MESP1: variants seen among roughly 807,000 people sequenced by gnomAD.
MESP1 encodes the protein mesoderm posterior protein 1.
A neutral mutation model predicts 15.2 loss-of-function variants in MESP1; 22 were observed. The observed-to-expected ratio is 1.45, with a 90% confidence interval of 1.04 to 2.07. The LOEUF (loss-of-function observed/expected upper bound fraction) is 2.07, where lower values mean the gene tolerates loss of function less well. Ranked by LOEUF, MESP1 falls within the 30% of genes most tolerant of loss-of-function variation. MESP1 has a pLI of 0.00. For missense variants in MESP1, 484 were observed against 411.9 expected (o/e 1.17, Z -1.51); for synonymous variants, 216 against 192.6 (o/e 1.12, Z -1.01).
At chr15:89,739,018 G>A in the MESP1 span, among the ~76,000 whole-genome samples, 3 of 151,742 alleles carry the variant, frequency 2.0e-5, no homozygotes, top group Non-Finnish European at 4.4e-5. Flanking sequence ...GGAGGCTGAG[G>A]TGGGGGAGAA....
Position 89,751,080 on chromosome 15 carries a change from G to GGGCTCGGCACGA in MESP1, c.151_152insTCGTGCCGAGCC (p.Ser50_Pro51insLeuValProSer). On this transcript the variant is annotated inframe_insertion, in exon 1 of 2. Coordinates refer to ENST00000300057, the MANE Select transcript of MESP1 (RefSeq NM_018670.4). ...GCCTGGCCGCGCGGGGCTCGCCACGGGGCTGTCGGCTGGGGTGCTGCCCCA... is the reference window on the plus strand; with the variant it reads ...GCCTGGCCGCGCGGGGCTCGCCACGGGGCTCGGCACGAGGCTGTCGGCTGGGGTGCTGCCCCA... The GGGCTCGGCACGA allele has an allele frequency of 7.5e-7, 1 of 1,324,544 alleles. No individual in the cohort carries two copies. The highest frequency in any genetic ancestry group is 9.6e-7 in the Non-Finnish European group (1 of 1,042,592). 82.0% of individuals were successfully genotyped at this position (1,324,544 alleles called of 1,614,324 possible). A position where few individuals can be genotyped will look rare whatever the true frequency, so the allele number is the denominator to read the frequency against.
the MESP1 span, chr15:89,737,779 G>A: frequency 6.2e-7 from 1 of 1,609,554 alleles, no homozygotes; most frequent in Non-Finnish European, 8.5e-7. Context: ...CCCTGACTTA[G>A]TTCTCTCACA....
downstream of MESP1, among the ~76,000 whole-genome samples, chr15:89,746,360 C>G (rs1567139039): frequency 7.1e-6 from 1 of 140,212 alleles, no homozygotes; most frequent in African/African-American, 3.2e-5. Flanking sequence ...TCCACACATC[C>G]ACACAGCATC....
At chr15:89,743,328 G>A in the MESP1 span, 4 of 1,614,212 alleles carry the variant, frequency 2.5e-6, no homozygotes, top group South Asian at 1.1e-5. Flanking sequence ...AGAAGGAGGA[G>A]GAGCACTGGG....
downstream of MESP1, among the ~76,000 whole-genome samples, chr15:89,745,786 C>G (rs1342748995): frequency 6.6e-6 from 1 of 151,864 alleles, no homozygotes; most frequent in Non-Finnish European, 1.5e-5. The surrounding 1 kb of genome is among the most constrained non-coding windows in gnomAD (Gnocchi z 4.8). Context: ...AACCTTATGT[C>G]TTCTCAGGGT....
the MESP1 span, chr15:89,737,956 G>T: frequency 1.4e-6 from 2 of 1,446,352 alleles, no homozygotes; most frequent in Non-Finnish European, 1.9e-6. Flanking sequence ...TAAGCAGAGA[G>T]CAGCCCCCAC....
chr15:89,734,925 C>G, the MESP1 span, among the ~76,000 whole-genome samples: 1 of 152,230 alleles, frequency 6.6e-6, no homozygotes, highest in African/African-American at 2.4e-5. Context: ...AGGAAACTTA[C>G]AAAGCAAACC....
chr15:89,739,400 T>G, the MESP1 span, among the ~76,000 whole-genome samples: 1 of 152,204 alleles, frequency 6.6e-6, no homozygotes, highest in East Asian at 1.9e-4. Flanking sequence ...GACCCCTTTC[T>G]TTTACCCATC....
downstream of MESP1, chr15:89,749,700 G>A (rs1253010824): frequency 1.2e-5 from 2 of 161,186 alleles, no homozygotes; most frequent in Non-Finnish European, 2.7e-5. Context: ...CCCATTCCAG[G>A]CTGACCCATC....
At chr15:89,732,766 C>G in the MESP1 span, among the ~76,000 whole-genome samples, 1 of 152,260 alleles carries the variant, frequency 6.6e-6, no homozygotes, top group East Asian at 1.9e-4. Flanking sequence ...CTGCCCTCCT[C>G]CATGCTCTTG....
chr15:89,750,999 C>A lies in MESP1; in HGVS notation c.233G>T (p.Arg78Leu), dbSNP rs774359990. 1.5e-6 allele frequency: 2 copies of A among 1,372,050 alleles called. No homozygotes were observed. Among genetic ancestry groups the A allele is most frequent in the Non-Finnish European group, 1.9e-6 (2 of 1,069,908 alleles). The allele number at this position is 1,372,050 out of a possible 1,614,324, so 85.0% of individuals were successfully genotyped here. Reference protein sequence around the residue: ...SVGRRGARSSRLGSGQRQSAS... With the variant: ...SVGRRGARSSLLGSGQRQSAS... ...GCTCTGCCTCTGCCCGCTGCCCAGG[C>A]GGCTGCTGCGCGCGCCGCGCCTACC... Residue 78 changes from arginine to leucine, a missense_variant, in exon 1 of 2, where the codon CGC becomes CTC. Physicochemically the swap from Arg to Leu is moderately radical, Grantham distance 102 (BLOSUM62 -2). Coordinates refer to ENST00000300057, the MANE Select transcript of MESP1 (RefSeq NM_018670.4).
chr15:89,750,858 G>C lies in MESP1; in HGVS notation c.374C>G (p.Thr125Arg). ...GATATAGCGGATAGCCAGGCGCAGC[G>C]TCTCGATCTTGGTCAGGCTCTGGCC... is the stretch of plus-strand genomic sequence containing the variant. ...PAGQSLTKIE[T>R]LRLAIRYIGH... The change falls in exon 1 of 2, where the codon ACG (threonine) becomes AGG (arginine). Residue 125 changes from threonine (T) to arginine (R), a missense_variant. Transcript: ENST00000300057. 1 of 1,530,794 alleles carries C rather than the reference G, an allele frequency of 6.5e-7. No homozygotes were observed. The highest frequency in any genetic ancestry group is 2.7e-5 in the East Asian group (1 of 37,378). 94.8% of individuals were successfully genotyped at this position (1,530,794 alleles called of 1,614,324 possible).
Position 89,750,768 on chromosome 15 carries a change from C to T in MESP1, c.464G>A (p.Gly155Asp). ...ESLQRRCRQR[G>D]DAGSPRGCPL... The stretch of plus-strand genomic sequence containing the variant: ...GCAGCCCCGAGGGGACCCCGCGTCA[C>T]CGCGCTGCCGGCACCGGCGCTGGAG... The change falls in exon 1 of 2, where the codon GGT (glycine) becomes GAT (aspartate). Residue 155 changes from glycine (G) to aspartate (D), a missense_variant. Gly to Asp is a moderately conservative substitution (Grantham distance 94, BLOSUM62 -1). Transcript: ENST00000300057. 1 of 1,492,794 alleles carries T rather than the reference C, an allele frequency of 6.7e-7. No homozygotes were observed. Among genetic ancestry groups the T allele is most frequent in the African/African-American group, 1.4e-5 (1 of 69,428 alleles). The allele number at this position is 1,492,794 out of a possible 1,614,324, so 92.5% of individuals were successfully genotyped here.
the MESP1 span, among the ~76,000 whole-genome samples, chr15:89,737,095 G>T: frequency 1.3e-5 from 2 of 152,178 alleles, no homozygotes; most frequent in Non-Finnish European, 2.9e-5. Context: ...CCGGCCAAAG[G>T]GGACTTTCTA....
chr15:89,742,612 C>A, the MESP1 span, among the ~76,000 whole-genome samples: 1 of 152,166 alleles, frequency 6.6e-6, no homozygotes, highest in Non-Finnish European at 1.5e-5. Context: ...TGGCTCACTG[C>A]AACCTCCATC....
chr15:89,740,677 T>G, the MESP1 span, among the ~76,000 whole-genome samples: 2 of 151,982 alleles, frequency 1.3e-5, no homozygotes, highest in Admixed American at 1.3e-4. Context: ...AATTTTTGTA[T>G]TTTTAGTAGA....
downstream of MESP1, among the ~76,000 whole-genome samples, chr15:89,745,655 C>T (rs888748918): frequency 5.3e-5 from 8 of 151,926 alleles, no homozygotes; most frequent in African/African-American, 9.7e-5. The surrounding 1 kb of genome is among the most constrained non-coding windows in gnomAD (Gnocchi z 4.8). Flanking sequence ...CCCAGCTACT[C>T]GGGAAAGCTG....
the MESP1 span, among the ~76,000 whole-genome samples, chr15:89,741,721 C>T: frequency 8.6e-5 from 13 of 151,948 alleles, no homozygotes; most frequent in Non-Finnish European, 1.6e-4. Context: ...TTCATATAAC[C>T]GGTTATATAA....
chr15:89,750,803 G>C lies in MESP1; in HGVS notation c.429C>G (p.Ser143Arg). ...GGCACCGGCGCTGGAGACTCTCCTCGCTGAGGCCTAGCACGGCCGACAGGT... is the reference window on the plus strand; with the variant it reads ...GGCACCGGCGCTGGAGACTCTCCTCCCTGAGGCCTAGCACGGCCGACAGGT... ...IGHLSAVLGLSEESLQRRCRQ... is the reference protein window; with the variant it reads ...IGHLSAVLGLREESLQRRCRQ... The change falls in exon 1 of 2, where the codon AGC becomes AGG. Residue 143 changes from serine to arginine, a missense_variant. By Grantham distance (110) the Ser-to-Arg change is moderately radical. Transcript: ENST00000300057. 1 of 1,525,612 alleles carries C rather than the reference G, an allele frequency of 6.6e-7. No individual in the cohort carries two copies. Among genetic ancestry groups the C allele is most frequent in the South Asian group, 1.2e-5 (1 of 83,476 alleles). 94.5% of individuals were successfully genotyped at this position (1,525,612 alleles called of 1,614,324 possible).
Sources: gnomAD v4.1 joint callset for allele counts (sites outside exome capture counted in the v4.1 genomes callset) on GRCh38, gnomAD v4.1.1 for gene constraint, Gnocchi (gnomAD v3.1) non-coding constraint, MANE v1.5 for transcripts, NCBI Gene and HGNC (gene_info 2026-07-23, HGNC 2026-07-21) for gene names.